Variants in ESRRG observed in about 807,000 individuals in gnomAD.
The protein encoded by ESRRG is estrogen-related receptor gamma.
ESRRG carries 13 observed loss-of-function variants against 44.0 expected under a neutral mutation model. The ratio of observed to expected loss-of-function variants is 0.30; its 90% CI spans 0.19 to 0.47. ESRRG has a LOEUF of 0.47. Ranked by LOEUF, ESRRG falls within the 20% of genes least tolerant of loss-of-function variation. ESRRG has a pLI of 1.00. For missense variants in ESRRG, 395 were observed against 580.6 expected, an observed-to-expected ratio of 0.68 and a Z score of 3.29; for synonymous variants, 215 against 214.6, an observed-to-expected ratio of 1.00 and a Z score of -0.02.
chr1:217,035,031 A>G (rs111779524), intron 1 of ESRRG, among the ~76,000 whole-genome samples: 87 of 152,282 alleles, frequency 5.7e-4, no homozygotes, highest in Middle Eastern at 3.4e-3. Flanking sequence ...GGAGAACAAG[A>G]TAGAGCAGGC....
At chr1:216,918,371 G>A (rs897760421) in intron 2 of ESRRG, among the ~76,000 whole-genome samples, 8 of 151,970 alleles carry the variant, frequency 5.3e-5, no homozygotes, top group Non-Finnish European at 8.8e-5. Flanking sequence ...TTGCTGTCTC[G>A]GTCATCTGAT....
rs2041225525 is a variant in ESRRG at position 216,506,464 on chromosome 1, G to A, written c.*475C>T. On this transcript the variant is annotated 3_prime_UTR_variant, in exon 7 of 7. Coordinates refer to ENST00000408911, the MANE Select transcript of ESRRG (RefSeq NM_001438.4). ...AGGTCAAGAGGAAAGGAAAGGAAAGGGAAAAGGAAAGGGAAAAAGGAAAGA... is the reference window on the plus strand; with the variant it reads ...AGGTCAAGAGGAAAGGAAAGGAAAGAGAAAAGGAAAGGGAAAAAGGAAAGA... 3.0e-6 allele frequency: 1 copy of A among 338,094 alleles called. No individual in the cohort carries two copies. The highest frequency in any genetic ancestry group is 2.4e-5 in the South Asian group (1 of 41,576). 20.9% of individuals were successfully genotyped at this position (338,094 alleles called of 1,614,324 possible). A position where few individuals can be genotyped will look rare whatever the true frequency, so the allele number is the denominator to read the frequency against.
In ESRRG at chr1:216,506,897, CT is replaced by C. The variant is rs759650508; in HGVS notation, c.*41del. The C allele has an allele frequency of 1.3e-6, 2 of 1,582,016 alleles. No individual in the cohort carries two copies. Among genetic ancestry groups the C allele is most frequent in the South Asian group, 1.2e-5 (1 of 85,296 alleles). ...GACATCACTCTTGGGTTTATTTTCC[CT>C]TTTTCAACATGAAGGATGGGAAGGC... On this transcript the variant is annotated 3_prime_UTR_variant, in exon 7 of 7. Transcript: ENST00000408911.
At chr1:216,633,078 C>G (rs1164973741) in intron 3 of ESRRG, among the ~76,000 whole-genome samples, 1 of 152,162 alleles carries the variant, frequency 6.6e-6, no homozygotes, top group Non-Finnish European at 1.5e-5. Context: ...CTCTGAAAGT[C>G]ATTGTCACCA....
At chr1:217,036,604 G>T (rs2082936323) in intron 1 of ESRRG, among the ~76,000 whole-genome samples, 1 of 152,154 alleles carries the variant, frequency 6.6e-6, no homozygotes, top group South Asian at 2.1e-4. Context: ...ACAAGTGGGA[G>T]CTAAATGATT....
At chr1:217,097,545 A>T (rs1051639022) in intron 1 of ESRRG, among the ~76,000 whole-genome samples, 9 of 152,342 alleles carry the variant, frequency 5.9e-5, no homozygotes, top group African/African-American at 2.2e-4. Flanking sequence ...AGGGCTGCAC[A>T]ACCGAATGTC....
chr1:216,519,349 C>T lies in ESRRG; in HGVS notation c.935G>A (p.Gly312Asp). ...AAACGAAAGAGACCGGTATACGACA[C>T]CAAGGATCAAAATTTCCATCCAAGC... ...QSAWMEILILGVVYRSLSFED... is the reference protein window; with the variant it reads ...QSAWMEILILDVVYRSLSFED... The change falls in exon 6 of 7, where the codon GGT becomes GAT. Residue 312 changes from glycine (G) to aspartate (D), a missense_variant. This residue lies in a region of ESRRG where 167 missense variants were observed against 251.8 expected (regional missense o/e 0.66). Coordinates refer to ENST00000408911, the MANE Select transcript of ESRRG (RefSeq NM_001438.4). 6.2e-7 allele frequency: 1 copy of T among 1,613,648 alleles called. No individual in the cohort carries two copies.
At chr1:216,684,502 A>C (rs1298382812) in intron 1 of ESRRG, among the ~76,000 whole-genome samples, 1 of 152,214 alleles carries the variant, frequency 6.6e-6, no homozygotes, top group Non-Finnish European at 1.5e-5. Flanking sequence ...TGTTAAATGC[A>C]TAATAATGCC....
chr1:216,982,915 A>G (rs1346459518), intron 1 of ESRRG, among the ~76,000 whole-genome samples: 4 of 152,166 alleles, frequency 2.6e-5, no homozygotes, highest in Admixed American at 6.5e-5. Flanking sequence ...CACACACAAG[A>G]TAACATGAGT....
intron 5 of ESRRG, among the ~76,000 whole-genome samples, chr1:216,520,357 T>A (rs1290252778): frequency 6.6e-6 from 1 of 152,162 alleles, no homozygotes; most frequent in Non-Finnish European, 1.5e-5. Flanking sequence ...TCTTTTTATC[T>A]GAATTACCTA....
At chr1:217,075,000 G>A (rs2091097077) in intron 1 of ESRRG, among the ~76,000 whole-genome samples, 1 of 152,114 alleles carries the variant, frequency 6.6e-6, no homozygotes, top group African/African-American at 2.4e-5. Context: ...GATTGGTTCT[G>A]GGACTCCTGC....
chr1:216,822,047 G>A (rs1462587551), intron 2 of ESRRG, among the ~76,000 whole-genome samples: 1 of 152,002 alleles, frequency 6.6e-6, no homozygotes, highest in Admixed American at 6.6e-5. Flanking sequence ...TAAGTATTTG[G>A]TAACTCTGAC....
chr1:216,780,131 C>T, intron 2 of ESRRG, among the ~76,000 whole-genome samples: 1 of 151,900 alleles, frequency 6.6e-6, no homozygotes, highest in Non-Finnish European at 1.5e-5. Flanking sequence ...GAAATTGTGG[C>T]TCATGTGCCA....
intron 2 of ESRRG, among the ~76,000 whole-genome samples, chr1:216,859,951 A>T (rs913754456): frequency 1.3e-5 from 2 of 152,130 alleles, no homozygotes; most frequent in Admixed American, 1.3e-4. Flanking sequence ...CAGACCCCAA[A>T]GTGACCCAGA....
In ESRRG at chr1:217,075,006, C is replaced by T. The variant is rs920049297; in HGVS notation, c.-106+14501G>A. Among the ~76,000 whole-genome samples the T allele has an allele frequency of 2.0e-5, 3 of 152,132 alleles. No homozygotes were observed. In the South Asian group the frequency reaches 6.2e-4, roughly 32 times the overall value. ...ATCCTTGGGGATTGGTTCTGGGACT[C>T]CTGCATATACCGAAGCCTAAACATA... is the stretch of plus-strand genomic sequence containing the variant. On this transcript the variant is annotated intron_variant, in intron 1 of 7. Coordinates refer to the ESRRG transcript ENST00000359162.
In ESRRG at chr1:216,782,041, G is replaced by A. The variant is rs139684873; in HGVS notation, c.-13-104550C>T. ...ACCCTAATAAGCTTTTTAAAAGCTA[G>A]GCCTCCCTTTCCAAAATAATTATGA... On this transcript the variant is annotated intron_variant, in intron 2 of 7. Transcript: ENST00000359162. 1.1e-4 allele frequency among the ~76,000 whole-genome samples: 16 copies of A among 152,126 alleles called. No individual in the cohort carries two copies. In the East Asian group the frequency reaches 2.9e-3, roughly 28 times the overall value.
chr1:216,887,000 A>C (rs555715631), intron 2 of ESRRG, among the ~76,000 whole-genome samples: 1 of 152,270 alleles, frequency 6.6e-6, no homozygotes, highest in East Asian at 1.9e-4. Context: ...GGTCTCCCAA[A>C]GGGCTGGATT....
chr1:216,994,887 G>A (rs73099466), intron 1 of ESRRG, among the ~76,000 whole-genome samples: 4 of 151,924 alleles, frequency 2.6e-5, no homozygotes, highest in South Asian at 2.1e-4. Context: ...GCCCGGCCCC[G>A]TCCAACAACT....
intron 3 of ESRRG, among the ~76,000 whole-genome samples, chr1:216,620,713 AC>A (rs1388868668): frequency 1.3e-5 from 2 of 152,162 alleles, no homozygotes; most frequent in African/African-American, 4.8e-5. Context: ...ATTTTATTTG[AC>A]CTAGAGAAAA....
Sources: gnomAD v4.1 joint callset for allele counts (sites outside exome capture counted in the v4.1 genomes callset) on GRCh38, gnomAD v4.1.1 for gene constraint, gnomAD v4.1.1 regional missense constraint, MANE v1.5 for transcripts, NCBI Gene and HGNC (gene_info 2026-07-23, HGNC 2026-07-21) for gene names.